The following KCNC2 variants were observed in gnomAD, a reference collection of about 807,000 sequenced individuals.
KCNC2 encodes potassium voltage-gated channel subfamily C member 2, also known as voltage-gated potassium channel KCNC2.
KCNC2 carries 21 observed loss-of-function variants against 44.5 expected under a neutral mutation model. The observed-to-expected ratio is 0.47, with a 90% CI of 0.33 to 0.68. The LOEUF is 0.68. KCNC2 is among the 30% of genes least tolerant of loss of function. The pLI is 0.01. For synonymous variants in KCNC2, 391 were observed against 339.1 expected, an observed-to-expected ratio of 1.15 and a Z score of -1.68; for missense variants, 589 against 826.2, an observed-to-expected ratio of 0.71 and a Z score of 3.52.
chr12:75,178,660 C>A (rs1336854116), intron 2 of KCNC2, among the ~76,000 whole-genome samples: 1 of 151,904 alleles, frequency 6.6e-6, no homozygotes, highest in Non-Finnish European at 1.5e-5. Context: ...AAAACAATAA[C>A]AAAAGTACAC....
At chr12:75,061,452 A>C (rs1882314939) in intron 2 of KCNC2, among the ~76,000 whole-genome samples, 3 of 151,996 alleles carry the variant, frequency 2.0e-5, no homozygotes, top group Admixed American at 2.0e-4. Context: ...CTATTGGATG[A>C]AATAATCAGG....
chr12:75,057,766 T>C (rs964185300), intron 2 of KCNC2, among the ~76,000 whole-genome samples: 4 of 151,868 alleles, frequency 2.6e-5, no homozygotes, highest in Admixed American at 6.6e-5. Context: ...TAGAAATAGG[T>C]ATAAAACAAT....
intron 2 of KCNC2, among the ~76,000 whole-genome samples, chr12:75,099,340 C>T (rs1886187291): frequency 6.6e-6 from 1 of 152,102 alleles, no homozygotes; most frequent in East Asian, 1.9e-4. Flanking sequence ...AGTTCACATT[C>T]AAATAAAGCT....
intron 2 of KCNC2, among the ~76,000 whole-genome samples, chr12:75,199,596 T>C (rs143399693): frequency 7.2e-5 from 11 of 152,058 alleles, no homozygotes; most frequent in African/African-American, 1.7e-4. Flanking sequence ...TTCAGGGAAA[T>C]TGTTTTTTCT....
At chr12:75,162,376 A>G (rs1043531411) in intron 2 of KCNC2, among the ~76,000 whole-genome samples, 1 of 151,784 alleles carries the variant, frequency 6.6e-6, no homozygotes, top group Non-Finnish European at 1.5e-5. Flanking sequence ...TTTCAACCTA[A>G]TCATGACTTC....
Position 75,102,853 on chromosome 12 carries a change from GA to G in KCNC2, c.688-51537del, listed in dbSNP as rs201645136. ...TATTAATAATAGAGCTTTTAACAGGGAAACCATGCCTTCAATCTTACAATAA... is the reference window on the plus strand; with the variant it reads ...TATTAATAATAGAGCTTTTAACAGGGAACCATGCCTTCAATCTTACAATAA... On this transcript the variant is annotated intron_variant, in intron 2 of 4. Transcript: ENST00000549446. 5.2e-3 allele frequency among the ~76,000 whole-genome samples: 787 copies of G among 152,050 alleles called. 5 individuals carry two copies. Among genetic ancestry groups the G allele is most frequent in the African/African-American group, 0.018 (746 of 41,494 alleles).
At chr12:75,161,084 C>A (rs1891093283) in intron 2 of KCNC2, among the ~76,000 whole-genome samples, 2 of 151,498 alleles carry the variant, frequency 1.3e-5, no homozygotes, top group Admixed American at 1.3e-4. Context: ...CCATATAACT[C>A]AAGGTTGTAG....
At chr12:75,201,905 C>G (rs1466000435) in intron 2 of KCNC2, among the ~76,000 whole-genome samples, 1 of 151,850 alleles carries the variant, frequency 6.6e-6, no homozygotes, top group Non-Finnish European at 1.5e-5. Flanking sequence ...CTGTGTTTAT[C>G]TTTAATGCCC....
chr12:75,091,523 C>A (rs1232448720), intron 2 of KCNC2, among the ~76,000 whole-genome samples: 4 of 151,626 alleles, frequency 2.6e-5, no homozygotes, highest in African/African-American at 9.7e-5. Context: ...CACTGGGGAG[C>A]TTGGAAAAAA....
intron 2 of KCNC2, among the ~76,000 whole-genome samples, chr12:75,087,387 G>A (rs1166461360): frequency 6.6e-6 from 1 of 151,972 alleles, no homozygotes; most frequent in Non-Finnish European, 1.5e-5. Context: ...TACATGCTTT[G>A]GCTATCGTTT....
intron 2 of KCNC2, among the ~76,000 whole-genome samples, chr12:75,053,266 C>A (rs1169901688): frequency 3.1e-5 from 1 of 32,302 alleles, no homozygotes; most frequent in African/African-American, 1.1e-4. Flanking sequence ...CTACTAACTC[C>A]CACCCCAACT....
intron 2 of KCNC2, among the ~76,000 whole-genome samples, chr12:75,083,747 T>C (rs567359802): frequency 2.4e-4 from 36 of 152,084 alleles, no homozygotes; most frequent in South Asian, 4.1e-4. Context: ...TATTTGTAAC[T>C]CAGAATAAAG....
rs559950319 is a variant in KCNC2, at chr12:75,162,719, A to T, written c.687+44578T>A. The stretch of plus-strand genomic sequence containing the variant: ...AAAACAGACTCTTTGCTGCCTACTC[A>T]TCCTCAAAAAAACCTCTATTTTTCC... On this transcript the variant is annotated intron_variant, in intron 2 of 4. Coordinates refer to ENST00000549446, the MANE Select transcript of KCNC2 (RefSeq NM_139137.4). 5.7e-4 allele frequency among the ~76,000 whole-genome samples: 87 copies of T among 151,814 alleles called. 1 individual carries two copies. In the Middle Eastern group the frequency reaches 0.017, roughly 30 times the overall value.
At chr12:75,063,333 C>T (rs551546729) in intron 2 of KCNC2, among the ~76,000 whole-genome samples, 3 of 152,094 alleles carry the variant, frequency 2.0e-5, no homozygotes, top group African/African-American at 7.2e-5. Context: ...CAATAATAAT[C>T]AATCAATACT....
chr12:75,110,895 T>C (rs2137234977), intron 2 of KCNC2, among the ~76,000 whole-genome samples: 1 of 152,236 alleles, frequency 6.6e-6, no homozygotes, highest in Non-Finnish European at 1.5e-5. Context: ...GCACAGGAAG[T>C]GGCCACTAAA....
intron 2 of KCNC2, among the ~76,000 whole-genome samples, chr12:75,107,124 G>A (rs1886853519): frequency 1.3e-5 from 2 of 152,096 alleles, no homozygotes; most frequent in Admixed American, 1.3e-4. Flanking sequence ...CTAACATGGT[G>A]AAACCCTGTC....
intron 2 of KCNC2, among the ~76,000 whole-genome samples, chr12:75,175,436 T>C (rs914942489): frequency 1.3e-5 from 2 of 152,002 alleles, no homozygotes; most frequent in Non-Finnish European, 2.9e-5. Flanking sequence ...GATTGCATCA[T>C]TGGTACTATT....
intron 3 of KCNC2, among the ~76,000 whole-genome samples, 153 bp from the exon 4 acceptor site, chr12:75,048,470 A>G (rs1880794350): frequency 6.6e-6 from 1 of 152,122 alleles, no homozygotes; most frequent in Non-Finnish European, 1.5e-5. Context: ...ATCACTCTTC[A>G]CGAAAAATTA....
intron 2 of KCNC2, among the ~76,000 whole-genome samples, chr12:75,115,475 G>GTTTA (rs1449578677): frequency 1.3e-5 from 2 of 152,088 alleles, no homozygotes; most frequent in African/African-American, 2.4e-5. Flanking sequence ...ACTTCATTTT[G>GTTTA]TTTATTTACT....
Sources: allele counts gnomAD v4.1 joint callset (sites outside exome capture counted in the v4.1 genomes callset), GRCh38; gene constraint gnomAD v4.1.1; transcripts MANE v1.5; gene names NCBI Gene and HGNC (gene_info 2026-07-23, HGNC 2026-07-21).